Variants in SH2D4A observed in about 807,000 individuals in gnomAD.
SH2D4A encodes the protein SH2 domain-containing protein 4A.
SH2D4A carries 70 observed loss-of-function variants against 64.7 expected under a neutral mutation model. That is an observed-to-expected ratio of 1.08 (90% CI 0.89 to 1.32). SH2D4A has a LOEUF of 1.32. Ranked by LOEUF, SH2D4A falls within the 40% of genes most tolerant of loss-of-function variation. The pLI is 0.00. For synonymous variants in SH2D4A, 268 were observed against 200.7 expected (o/e 1.34, Z -2.83); for missense variants, 706 against 540.1 (o/e 1.31, Z -3.04).
In SH2D4A at chr8:19,365,105, T is replaced by G. The variant is rs111599082; in HGVS notation, c.917+823T>G. 2.6e-3 allele frequency among the ~76,000 whole-genome samples: 398 copies of G among 152,322 alleles called. No homozygotes were observed. The Middle Eastern group carries it at 0.041, about 16-fold the overall frequency. ...TCTGAAATAAAAACTAAAAATAATT[T>G]GAAATACTTCTCTAAGATTATGGAG... On this transcript the variant is annotated intron_variant, in intron 7 of 9. Coordinates refer to ENST00000265807, the MANE Select transcript of SH2D4A (RefSeq NM_022071.4).
intron 1 of SH2D4A, among the ~76,000 whole-genome samples, chr8:19,315,453 C>G (rs2052071843): frequency 6.6e-6 from 1 of 152,124 alleles, no homozygotes; most frequent in African/African-American, 2.4e-5. Context: ...TATGATTTAG[C>G]CTGTATCTAA....
At chr8:19,322,021 GTTC>G in intron 2 of SH2D4A, among the ~76,000 whole-genome samples, 2 of 152,272 alleles carry the variant, frequency 1.3e-5, no homozygotes, top group South Asian at 4.1e-4. Context: ...AGTGGGGAAA[GTTC>G]TATCAATATC....
Position 19,359,662 on chromosome 8 carries a change from A to G in SH2D4A, c.595-1541A>G, listed in dbSNP as rs139953144. Among the ~76,000 whole-genome samples, 191 of 152,068 alleles carry G rather than the reference A, an allele frequency of 1.3e-3. 1 individual carries two copies. The highest frequency in any genetic ancestry group is 4.5e-3 in the African/African-American group (186 of 41,316). On this transcript the variant is annotated intron_variant, in intron 5 of 9. Coordinates refer to ENST00000265807, the MANE Select transcript of SH2D4A (RefSeq NM_022071.4). ...GGATTTTCAAATGTTGGCAAACAAA[A>G]GGAGCTTAGCTCTAGGCAGGAAAAC...
rs572467379 is a variant in SH2D4A at position 19,319,282 on chromosome 8, G to A, written c.-204-62G>A. ...CCTCCTAGCTTTTTTTTTTAAACCC[G>A]TCCTAGCCAGTGTCCACACATTTTA... On this transcript the variant is annotated intron_variant, in intron 1 of 9. Coordinates refer to ENST00000265807, the MANE Select transcript of SH2D4A (RefSeq NM_022071.4). 2.2e-5 allele frequency: 24 copies of A among 1,108,820 alleles called. No homozygotes were observed. The South Asian group carries it at 2.7e-4, about 12-fold the overall frequency. 68.7% of individuals were successfully genotyped at this position (1,108,820 alleles called of 1,614,324 possible). A position where few individuals can be genotyped will look rare whatever the true frequency, so the allele number is the denominator to read the frequency against.
intron 4 of SH2D4A, among the ~76,000 whole-genome samples, chr8:19,340,154 T>C (rs765626145): frequency 1.3e-5 from 2 of 151,806 alleles, no homozygotes; most frequent in Non-Finnish European, 2.9e-5. Context: ...AAAGGCTCCA[T>C]AGCTGGAGGG....
At chr8:19,372,326 C>T (rs1338393017) in intron 7 of SH2D4A, among the ~76,000 whole-genome samples, 4 of 152,168 alleles carry the variant, frequency 2.6e-5, no homozygotes, top group African/African-American at 4.8e-5. Flanking sequence ...GCTCTCCCTC[C>T]CTGATGGACC....
chr8:19,318,558 A>G lies in SH2D4A; in HGVS notation c.-204-786A>G, dbSNP rs60394867. ...GGAGCCATGCGGTAAAGTCATATAAATGAAGGATCCTTTGTTATGAACCTA... is the reference window on the plus strand; with the variant it reads ...GGAGCCATGCGGTAAAGTCATATAAGTGAAGGATCCTTTGTTATGAACCTA... On this transcript the variant is annotated intron_variant, in intron 1 of 9. Coordinates refer to ENST00000265807, the MANE Select transcript of SH2D4A (RefSeq NM_022071.4). Among the ~76,000 whole-genome samples the G allele has an allele frequency of 7.0e-3, 1,073 of 152,328 alleles. 16 individuals are homozygous for G. Among genetic ancestry groups the G allele is most frequent in the African/African-American group, 0.024 (991 of 41,582 alleles).
intron 2 of SH2D4A, among the ~76,000 whole-genome samples, chr8:19,329,361 T>C (rs191680673): frequency 6.6e-6 from 1 of 152,248 alleles, no homozygotes; most frequent in African/African-American, 2.4e-5. Context: ...TCCCATAGCA[T>C]CCTTTAACAC....
chr8:19,340,162 G>A (rs2052505765), intron 4 of SH2D4A, among the ~76,000 whole-genome samples: 1 of 152,152 alleles, frequency 6.6e-6, no homozygotes, highest in South Asian at 2.1e-4. Context: ...CATAGCTGGA[G>A]GGAAAGTGGG....
intron 8 of SH2D4A, chr8:19,375,414 C>T (rs981363267): frequency 3.9e-5 from 6 of 152,182 alleles, no homozygotes; most frequent in South Asian, 2.1e-4. Flanking sequence ...TTCTTTGTCA[C>T]ATCCACCATG....
chr8:19,340,605 T>C (rs796731301), intron 4 of SH2D4A, among the ~76,000 whole-genome samples: 3,254 of 110,754 alleles, frequency 0.029, 57 homozygotes, highest in South Asian at 0.081. Context: ...TTCTTTCTTT[T>C]TTTTTTTTTT....
intron 2 of SH2D4A, among the ~76,000 whole-genome samples, chr8:19,319,940 G>A (rs1186676450): frequency 1.3e-5 from 2 of 152,160 alleles, no homozygotes; most frequent in East Asian, 3.9e-4. Context: ...TAGCTATGAG[G>A]AAATCTTTTA....
chr8:19,361,283 C>T lies in SH2D4A; in HGVS notation c.675C>T (p.Ser225=). The T allele has an allele frequency of 1.2e-6, 2 of 1,612,028 alleles. No homozygotes were observed. Among genetic ancestry groups the T allele is most frequent in the Non-Finnish European group, 1.7e-6 (2 of 1,179,360 alleles). ...EEERTKQICK[S]WKEDSEWQAS... ...AGAGAACGAAGCAGATTTGTAAGAG[C>T]TGGAAAGAAGACTCGGAATGGCAGG... The change falls in exon 6 of 10, where the codon AGC becomes AGT. Residue 225 remains serine, a synonymous_variant. Coordinates refer to ENST00000265807, the MANE Select transcript of SH2D4A (RefSeq NM_022071.4).
intron 1 of SH2D4A, among the ~76,000 whole-genome samples, chr8:19,318,992 T>TC (rs1263221201): frequency 1.3e-5 from 2 of 152,142 alleles, no homozygotes; most frequent in East Asian, 3.8e-4. Context: ...CTTTTTTTTT[T>TC]CTTTCTTTTT....
chr8:19,382,794 C>G (rs866838057), intron 8 of SH2D4A, among the ~76,000 whole-genome samples: 1 of 139,598 alleles, frequency 7.2e-6, no homozygotes, highest in African/African-American at 2.7e-5. Context: ...TTGCTTCTCT[C>G]TCTTTTCTCT....
rs1360012194 is a variant in SH2D4A, at chr8:19,394,857, G to A, written c.*215G>A. 4 of 385,064 alleles carry A rather than the reference G, an allele frequency of 1.0e-5. No homozygotes were observed. The highest frequency in any genetic ancestry group is 1.8e-5 in the Non-Finnish European group (4 of 216,488). The allele number at this position is 385,064 out of a possible 1,614,324, so 23.9% of individuals were successfully genotyped here. A position where few individuals can be genotyped will look rare whatever the true frequency, so the allele number is the denominator to read the frequency against. On this transcript the variant is annotated 3_prime_UTR_variant, in exon 10 of 10. Coordinates refer to ENST00000265807, the MANE Select transcript of SH2D4A (RefSeq NM_022071.4). ...GAAAATGACCTCTGCTCAAAAGGGA[G>A]AAGAGTCTCAATTTCAGCAAGTACC...
At chr8:19,394,494 G>A in intron 9 of SH2D4A, 56 bp from the exon 10 acceptor site, 1 of 1,228,460 alleles carries the variant, frequency 8.1e-7, no homozygotes, top group Non-Finnish European at 1.1e-6. Context: ...TGAGGAAGTA[G>A]GAAGAGCATG....
chr8:19,366,207 G>A (rs188956485), intron 7 of SH2D4A, among the ~76,000 whole-genome samples: 2 of 152,294 alleles, frequency 1.3e-5, no homozygotes, highest in Admixed American at 6.5e-5. Context: ...ATGGGATACA[G>A]TGTGATGTTT....
intron 8 of SH2D4A, among the ~76,000 whole-genome samples, chr8:19,376,883 C>T (rs1160905158): frequency 6.6e-6 from 1 of 152,078 alleles, no homozygotes; most frequent in Non-Finnish European, 1.5e-5. Context: ...CTCAGAAATC[C>T]TCAAAACCAC....
Sources: allele counts gnomAD v4.1 joint callset (sites outside exome capture counted in the v4.1 genomes callset), GRCh38; gene constraint gnomAD v4.1.1; transcripts MANE v1.5; gene names NCBI Gene and HGNC (gene_info 2026-07-23, HGNC 2026-07-21).